The following NPFFR2 variants were observed in gnomAD, a reference collection of about 807,000 sequenced individuals.
NPFFR2 encodes neuropeptide FF receptor 2.
Under a neutral mutation model 13.1 loss-of-function variants are expected in NPFFR2, and 15 were observed. That is an observed-to-expected ratio of 1.15 (90% confidence interval 0.77 to 1.76). The LOEUF is 1.76. Among genes scored for constraint, NPFFR2 ranks in the 40% most tolerant of loss-of-function variants. The pLI is 0.00. For synonymous variants in NPFFR2, 190 were observed against 175.7 expected (o/e 1.08, Z -0.65); for missense variants, 572 against 503.5 (o/e 1.14, Z -1.30).
intron 3 of NPFFR2, among the ~76,000 whole-genome samples, chr4:72,140,887 C>T (rs1394751880): frequency 1.3e-5 from 2 of 152,146 alleles, no homozygotes; most frequent in East Asian, 1.9e-4. Context: ...GAATTCGTCT[C>T]GTCCTGGACT....
intron 1 of NPFFR2, among the ~76,000 whole-genome samples, chr4:72,100,615 A>T (rs189772996): frequency 2.6e-5 from 4 of 152,166 alleles, no homozygotes; most frequent in Admixed American, 1.3e-4. Flanking sequence ...GACTTATCAG[A>T]GCAACTTCAA....
intron 2 of NPFFR2, among the ~76,000 whole-genome samples, chr4:72,136,729 C>T (rs956160496): frequency 1.1e-4 from 16 of 152,166 alleles, no homozygotes; most frequent in African/African-American, 3.9e-4. Flanking sequence ...CACTCATTAC[C>T]CCCGCACCTG....
At chr4:72,128,975 A>T in intron 2 of NPFFR2, 56 bp downstream of exon 2, 1 of 1,351,540 alleles carries the variant, frequency 7.4e-7, no homozygotes. Flanking sequence ...CCCATATTTC[A>T]GCAGCCATTG....
chr4:72,145,015 A>T (rs959619047), intron 3 of NPFFR2, among the ~76,000 whole-genome samples: 3 of 152,196 alleles, frequency 2.0e-5, no homozygotes, highest in Non-Finnish European at 4.4e-5. Flanking sequence ...TTTACAATGT[A>T]AATCCTTCAA....
intron 1 of NPFFR2, among the ~76,000 whole-genome samples, chr4:72,114,218 T>C (rs2109821930): frequency 6.6e-6 from 1 of 152,244 alleles, no homozygotes; most frequent in East Asian, 1.9e-4. Context: ...ACTGAATATA[T>C]GCTTGTAACC....
At chr4:72,094,097 T>C (rs1720987160) in intron 1 of NPFFR2, among the ~76,000 whole-genome samples, 1 of 152,134 alleles carries the variant, frequency 6.6e-6, no homozygotes, top group Non-Finnish European at 1.5e-5. Context: ...GTGATTGTTA[T>C]TTCTTTTCTG....
intron 1 of NPFFR2, among the ~76,000 whole-genome samples, chr4:72,083,996 A>G (rs976453830): frequency 2.0e-5 from 3 of 152,176 alleles, no homozygotes; most frequent in African/African-American, 7.2e-5. Flanking sequence ...ACCACCAAAG[A>G]TCACCCATCC....
intron 1 of NPFFR2, among the ~76,000 whole-genome samples, chr4:72,039,649 A>G (rs1242504800): frequency 6.6e-6 from 1 of 152,192 alleles, no homozygotes; most frequent in African/African-American, 2.4e-5. Context: ...AACAAATTCA[A>G]CCATTCCCTT....
chr4:72,080,317 A>C (rs755981334), intron 1 of NPFFR2, among the ~76,000 whole-genome samples: 1 of 151,892 alleles, frequency 6.6e-6, no homozygotes, highest in Non-Finnish European at 1.5e-5. Context: ...GGTGCTCACC[A>C]CTGCTCCTGG....
chr4:72,104,362 A>G (rs1314702772), intron 1 of NPFFR2, among the ~76,000 whole-genome samples: 1 of 152,006 alleles, frequency 6.6e-6, no homozygotes, highest in African/African-American at 2.4e-5. Flanking sequence ...GAGGGCCTCA[A>G]TTTCTTGAAG....
intron 1 of NPFFR2, among the ~76,000 whole-genome samples, chr4:72,040,710 T>A (rs966964793): frequency 6.6e-6 from 1 of 152,040 alleles, no homozygotes; most frequent in African/African-American, 2.4e-5. Context: ...TGTCTATACA[T>A]ATTTTAAATG....
At chr4:72,146,265 G>T (rs1006213147) in intron 3 of NPFFR2, among the ~76,000 whole-genome samples, 2 of 152,116 alleles carry the variant, frequency 1.3e-5, no homozygotes, top group African/African-American at 4.8e-5. Context: ...CATCCAAAAT[G>T]GCTAAGCTCT....
Position 72,143,950 on chromosome 4 carries a change from A to G in NPFFR2, c.429-3028A>G, listed in dbSNP as rs532894979. Among the ~76,000 whole-genome samples the G allele has an allele frequency of 4.6e-5, 7 of 152,284 alleles. No individual in the cohort carries two copies. The South Asian group carries it at 8.3e-4, about 18-fold the overall frequency. On this transcript the variant is annotated intron_variant, in intron 3 of 3. Transcript: ENST00000308744. ...CACATCCCTCGTTACCTACCTTCCC[A>G]TTAATGAATGACTTCTCTATACTTT...
At chr4:72,119,886 C>CT (rs1185167292) in intron 1 of NPFFR2, among the ~76,000 whole-genome samples, 2 of 152,090 alleles carry the variant, frequency 1.3e-5, no homozygotes, top group Non-Finnish European at 2.9e-5. Context: ...TGCAGTTTTT[C>CT]TTTTTTTCAT....
At chr4:72,077,945 A>G (rs1720493237) in intron 1 of NPFFR2, among the ~76,000 whole-genome samples, 1 of 152,046 alleles carries the variant, frequency 6.6e-6, no homozygotes, top group Admixed American at 6.6e-5. Flanking sequence ...TTTAAAGGTC[A>G]TTTATGTTGT....
At chr4:72,073,110 A>G (rs1162869975) in intron 1 of NPFFR2, among the ~76,000 whole-genome samples, 1 of 152,070 alleles carries the variant, frequency 6.6e-6, no homozygotes, top group African/African-American at 2.4e-5. Flanking sequence ...GATATATTCA[A>G]ACTTCTAAAA....
intron 1 of NPFFR2, among the ~76,000 whole-genome samples, chr4:72,041,033 G>C (rs1271892472): frequency 6.6e-6 from 1 of 151,856 alleles, no homozygotes; most frequent in Non-Finnish European, 1.5e-5. Flanking sequence ...GGGTACATGT[G>C]CTGGTTTGTT....
chr4:72,097,637 T>C (rs1721108940), intron 1 of NPFFR2, among the ~76,000 whole-genome samples: 1 of 152,168 alleles, frequency 6.6e-6, no homozygotes, highest in Admixed American at 6.6e-5. Flanking sequence ...AAGTTTTACA[T>C]TTAAACTGCA....
chr4:72,094,218 C>A (rs1224455229), intron 1 of NPFFR2, among the ~76,000 whole-genome samples: 1 of 152,192 alleles, frequency 6.6e-6, no homozygotes, highest in Non-Finnish European at 1.5e-5. Flanking sequence ...ATACTAACAC[C>A]TCCTCCGGTG....
Sources: gnomAD v4.1 joint callset for allele counts (sites outside exome capture counted in the v4.1 genomes callset) on GRCh38, gnomAD v4.1.1 for gene constraint, MANE v1.5 for transcripts, NCBI Gene and HGNC (gene_info 2026-07-23, HGNC 2026-07-21) for gene names.